Variants in CRACDL observed in about 807,000 individuals in gnomAD.
CRACDL encodes the protein CRACD like, also known as CRACD-like protein.
A neutral mutation model predicts 70.6 loss-of-function variants in CRACDL; 26 were observed. The observed-to-expected ratio is 0.37, with a 90% CI of 0.27 to 0.51. The LOEUF (loss-of-function observed/expected upper bound fraction) is 0.51. Among genes scored for constraint, CRACDL ranks in the 20% least tolerant of loss-of-function variants. The pLI is 0.94. For missense variants in CRACDL, 1,283 were observed against 1,376.9 expected (o/e 0.93, Z 1.08); for synonymous variants, 618 against 615.2 (o/e 1.00, Z -0.07).
chr2:98,890,419 A>C (rs1336602791), intron 1 of CRACDL, among the ~76,000 whole-genome samples: 1 of 152,236 alleles, frequency 6.6e-6, no homozygotes, highest in Non-Finnish European at 1.5e-5. Flanking sequence ...ATTTCTAGAA[A>C]GACACAAACT....
rs1165558900 is a variant in CRACDL, at chr2:98,823,294, C to T, written c.979G>A (p.Val327Ile). The T allele has an allele frequency of 4.9e-6, 7 of 1,419,510 alleles. No homozygotes were observed. In the South Asian group the frequency reaches 9.0e-5, roughly 18 times the overall value. The allele number at this position is 1,419,510 out of a possible 1,614,324, so 87.9% of individuals were successfully genotyped here. A position where few individuals can be genotyped will look rare whatever the true frequency, so the allele number is the denominator to read the frequency against. Reference protein sequence around the residue: ...ALTASVEEGGVPGEDPSSRPA... With the variant: ...ALTASVEEGGIPGEDPSSRPA... ...CGGCTTGAGGGGTCCTCCCCGGGGA[C>T]GCCCCCCTCCTCCACGCTGGCCGTG... Residue 327 changes from valine to isoleucine, a missense_variant, in exon 7 of 10, where the codon GTC (valine) becomes ATC (isoleucine). Val to Ile is a conservative substitution (Grantham distance 29, BLOSUM62 3). Coordinates refer to ENST00000397899, the MANE Select transcript of CRACDL (RefSeq NM_207362.3). The surrounding 1 kb of genome is among the most constrained non-coding windows in gnomAD (Gnocchi z 4.0).
In CRACDL at chr2:98,823,656, C is replaced by T; in HGVS notation, c.736-119G>A. 7.9e-7 allele frequency: 1 copy of T among 1,266,252 alleles called. No individual in the cohort carries two copies. Among genetic ancestry groups the T allele is most frequent in the Non-Finnish European group, 1.1e-6 (1 of 906,492 alleles). The allele number at this position is 1,266,252 out of a possible 1,614,324, so 78.4% of individuals were successfully genotyped here. On this transcript the variant is annotated intron_variant, in intron 6 of 9. Coordinates refer to ENST00000397899, the MANE Select transcript of CRACDL (RefSeq NM_207362.3). This position sits in a 1 kb window ranked among gnomAD's most constrained non-coding sequence, Gnocchi z 4.0. ...TGATAGCAGCACTATAAAGCTGGCA[C>T]TTAAGTAGGCATGTACCCACGGGTG... is the stretch of plus-strand genomic sequence containing the variant.
chr2:98,886,255 C>T (rs72957614), intron 1 of CRACDL, among the ~76,000 whole-genome samples: 5,723 of 152,332 alleles, frequency 0.038, 306 homozygotes, highest in East Asian at 0.13. Context: ...GGAAAACCCA[C>T]TATGACCTGA....
At chr2:98,827,525 T>C (rs997709130) in intron 5 of CRACDL, among the ~76,000 whole-genome samples, 7 of 152,292 alleles carry the variant, frequency 4.6e-5, no homozygotes, top group Middle Eastern at 3.4e-3. Flanking sequence ...CTCCTGACCT[T>C]GTGATCCGCC....
intron 1 of CRACDL, among the ~76,000 whole-genome samples, chr2:98,857,533 A>T (rs1706755885): frequency 6.6e-6 from 1 of 152,188 alleles, no homozygotes; most frequent in Non-Finnish European, 1.5e-5. Context: ...TAAGGCCTAG[A>T]TCAGCTACTA....
chr2:98,867,741 G>A (rs1203549465), intron 1 of CRACDL, among the ~76,000 whole-genome samples: 4 of 152,316 alleles, frequency 2.6e-5, no homozygotes, highest in South Asian at 2.1e-4. Flanking sequence ...GCTATGACTC[G>A]TGCTGACTGC....
chr2:98,880,228 C>G (rs897312138), intron 1 of CRACDL, among the ~76,000 whole-genome samples: 1 of 152,140 alleles, frequency 6.6e-6, no homozygotes, highest in Non-Finnish European at 1.5e-5. Context: ...GACTGATGCA[C>G]GGAAGAGTGA....
intron 7 of CRACDL, among the ~76,000 whole-genome samples, chr2:98,809,496 G>A (rs1481763931): frequency 6.6e-6 from 1 of 152,118 alleles, no homozygotes; most frequent in East Asian, 1.9e-4. Context: ...CATCTGTTCA[G>A]CTTCTAAGAA....
At position 98,874,011 on chromosome 2, in the gene CRACDL, T is replaced by TA. The variant is rs533174878; in HGVS notation, c.-10-27202dup. On this transcript the variant is annotated intron_variant, in intron 1 of 9. Coordinates refer to ENST00000397899, the MANE Select transcript of CRACDL (RefSeq NM_207362.3). ...ACTGAGTGAGACTCTGTCTCAAAAA[T>TA]AAAAAAAAGAAATAATTCCGCAAGA... 2.0e-4 allele frequency among the ~76,000 whole-genome samples: 31 copies of TA among 151,906 alleles called. No homozygotes were observed. The East Asian group carries it at 4.3e-3, about 21-fold the overall frequency.
At chr2:98,860,919 C>T (rs1204312179) in intron 1 of CRACDL, among the ~76,000 whole-genome samples, 1 of 152,058 alleles carries the variant, frequency 6.6e-6, no homozygotes, top group Non-Finnish European at 1.5e-5. Flanking sequence ...AAAAGATATC[C>T]CATTTAAAAA....
At chr2:98,910,521 AAAATAAATAAAT>A (rs61614119) in intron 1 of CRACDL, among the ~76,000 whole-genome samples, 4,740 of 140,784 alleles carry the variant, frequency 0.034, 111 homozygotes, top group East Asian at 0.084. Flanking sequence ...ACTCTGTCTC[AAAATAAATAAAT>A]AAATAAATAA....
chr2:98,808,446 A>G (rs1704413605), intron 7 of CRACDL, among the ~76,000 whole-genome samples: 1 of 152,156 alleles, frequency 6.6e-6, no homozygotes, highest in Admixed American at 6.5e-5. Flanking sequence ...GCTTCTGCCC[A>G]AAGAAACCCT....
intron 1 of CRACDL, among the ~76,000 whole-genome samples, chr2:98,906,356 G>A (rs965610845): frequency 4.0e-5 from 6 of 150,176 alleles, no homozygotes; most frequent in East Asian, 2.0e-4. Context: ...CCACCTCCCC[G>A]ATTCAAGCAA....
At chr2:98,871,260 C>T (rs1212975573) in intron 1 of CRACDL, among the ~76,000 whole-genome samples, 1 of 152,244 alleles carries the variant, frequency 6.6e-6, no homozygotes. Context: ...ATATCTTATG[C>T]AAGGACATCT....
intron 1 of CRACDL, among the ~76,000 whole-genome samples, chr2:98,901,837 C>T (rs538804319): frequency 5.9e-5 from 9 of 152,134 alleles, no homozygotes; most frequent in Non-Finnish European, 1.3e-4. Flanking sequence ...TTAACAACAG[C>T]TTGCTGGGAA....
intron 9 of CRACDL, among the ~76,000 whole-genome samples, chr2:98,795,763 C>T (rs1409689830): frequency 6.6e-6 from 1 of 152,170 alleles, no homozygotes; most frequent in Non-Finnish European, 1.5e-5. Context: ...TCAAGTACTG[C>T]AGTCAGCCCG....
At chr2:98,909,144 G>T (rs557042017) in intron 1 of CRACDL, among the ~76,000 whole-genome samples, 2 of 152,314 alleles carry the variant, frequency 1.3e-5, no homozygotes, top group South Asian at 4.1e-4. Flanking sequence ...TGAAAATTCA[G>T]AAGAGATTGG....
intron 7 of CRACDL, among the ~76,000 whole-genome samples, chr2:98,818,298 C>T (rs1317586241): frequency 6.6e-6 from 1 of 152,216 alleles, no homozygotes; most frequent in Admixed American, 6.5e-5. Context: ...GCCCCTTTGG[C>T]AACCCAGGCT....
At chr2:98,851,318 C>T (rs1025768826) in intron 1 of CRACDL, among the ~76,000 whole-genome samples, 2 of 152,152 alleles carry the variant, frequency 1.3e-5, no homozygotes, top group African/African-American at 4.8e-5. Flanking sequence ...ACAGATCACA[C>T]CAAACAAGAG....
Sources: gnomAD v4.1 joint callset for allele counts (sites outside exome capture counted in the v4.1 genomes callset) on GRCh38, gnomAD v4.1.1 for gene constraint, Gnocchi (gnomAD v3.1) non-coding constraint, MANE v1.5 for transcripts, NCBI Gene and HGNC (gene_info 2026-07-23, HGNC 2026-07-21) for gene names.